Variants in STYK1 observed in about 807,000 individuals in gnomAD.
STYK1 encodes the protein tyrosine-protein kinase STYK1.
Under a neutral mutation model 48.1 loss-of-function variants are expected in STYK1, and 46 were observed. The observed-to-expected ratio is 0.96, with a 90% CI of 0.75 to 1.22. The LOEUF is 1.22. Among genes scored for constraint, STYK1 ranks in the 50% most tolerant of loss-of-function variants. The pLI is 0.00. For missense variants in STYK1, 527 were observed against 521.1 expected (o/e 1.01, Z -0.11); for synonymous variants, 188 against 189.0 (o/e 0.99, Z 0.04).
At chr12:10,658,608 T>C (rs2418089) in intron 1 of STYK1, among the ~76,000 whole-genome samples, 83,328 of 151,934 alleles carry the variant, frequency 0.55, 23,553 homozygotes, top group East Asian at 0.79. Context: ...AAATTATGTC[T>C]TTTTCTGACC....
intron 1 of STYK1, among the ~76,000 whole-genome samples, chr12:10,668,175 C>T (rs952327463): frequency 2.0e-5 from 3 of 152,162 alleles, no homozygotes; most frequent in Non-Finnish European, 2.9e-5. Flanking sequence ...AAACTCTACC[C>T]TCCATTTTTC....
chr12:10,644,747 G>C (rs1047452683), intron 1 of STYK1, among the ~76,000 whole-genome samples: 1 of 152,176 alleles, frequency 6.6e-6, no homozygotes, highest in African/African-American at 2.4e-5. Context: ...AATCAAAGAA[G>C]AGGAGATGAT....
intron 5 of STYK1, among the ~76,000 whole-genome samples, chr12:10,630,736 T>C (rs552161319): frequency 6.6e-6 from 1 of 151,830 alleles, no homozygotes; most frequent in East Asian, 1.9e-4. Flanking sequence ...ACAGAAGGAA[T>C]GTACCTCAAC....
chr12:10,657,205 C>T (rs1296802104), intron 1 of STYK1, among the ~76,000 whole-genome samples: 1 of 152,162 alleles, frequency 6.6e-6, no homozygotes, highest in Non-Finnish European at 1.5e-5. Flanking sequence ...TCCAGCTGTG[C>T]CTGCCTATTA....
chr12:10,666,649 G>A (rs1947836470), intron 1 of STYK1, among the ~76,000 whole-genome samples: 1 of 152,172 alleles, frequency 6.6e-6, no homozygotes, highest in African/African-American at 2.4e-5. Context: ...CGGGTGGGAG[G>A]TGATTGGATC....
At chr12:10,634,929 C>G (rs1463336670) in intron 2 of STYK1, among the ~76,000 whole-genome samples, 1 of 152,040 alleles carries the variant, frequency 6.6e-6, no homozygotes, top group Non-Finnish European at 1.5e-5. Flanking sequence ...TGCTCTTGTC[C>G]TTTCATTCAA....
At chr12:10,658,280 A>C (rs1947739969) in intron 1 of STYK1, among the ~76,000 whole-genome samples, 2 of 152,208 alleles carry the variant, frequency 1.3e-5, no homozygotes, top group South Asian at 4.1e-4. Context: ...ATAATGTTTT[A>C]TTAAGAATTG....
chr12:10,671,855 A>G (rs1947894697), intron 1 of STYK1, among the ~76,000 whole-genome samples: 2 of 152,224 alleles, frequency 1.3e-5, no homozygotes, highest in Admixed American at 6.5e-5. Context: ...ACTGAAATAC[A>G]TGCAATGCTC....
chr12:10,669,577 T>C (rs1422193453), intron 1 of STYK1, among the ~76,000 whole-genome samples: 2 of 152,074 alleles, frequency 1.3e-5, no homozygotes, highest in South Asian at 2.1e-4. Flanking sequence ...CTAGGCAATG[T>C]TTTTTTGGAC....
chr12:10,660,060 C>T (rs932471394), intron 1 of STYK1, among the ~76,000 whole-genome samples: 1 of 152,174 alleles, frequency 6.6e-6, no homozygotes, highest in Non-Finnish European at 1.5e-5. Context: ...TGGGCAAGTA[C>T]TGGAATCAGT....
intron 1 of STYK1, among the ~76,000 whole-genome samples, chr12:10,663,979 C>A (rs890270472): frequency 6.6e-6 from 1 of 152,122 alleles, no homozygotes; most frequent in African/African-American, 2.4e-5. Context: ...AAAGGTTAAA[C>A]CAGAATTTGT....
chr12:10,646,318 A>G (rs1018598294), intron 1 of STYK1, among the ~76,000 whole-genome samples: 1 of 152,238 alleles, frequency 6.6e-6, no homozygotes, highest in South Asian at 2.1e-4. Context: ...AAGTGGTCTC[A>G]GATGGAGATG....
At chr12:10,655,314 C>A (rs999324539) in intron 1 of STYK1, among the ~76,000 whole-genome samples, 12 of 152,114 alleles carry the variant, frequency 7.9e-5, no homozygotes, top group Non-Finnish European at 1.8e-4. Flanking sequence ...TAGTTTCTGC[C>A]ATCCAGAGGA....
intron 1 of STYK1, among the ~76,000 whole-genome samples, chr12:10,656,297 C>T (rs1172359226): frequency 2.0e-5 from 3 of 151,560 alleles, no homozygotes; most frequent in Admixed American, 2.0e-4. Context: ...GTAAATTGTC[C>T]AGTCTCAGGT....
At position 10,655,554 on chromosome 12, in the gene STYK1, T is replaced by A. The variant is rs185984701; in HGVS notation, c.-194-18358A>T. On this transcript the variant is annotated intron_variant, in intron 1 of 10. Coordinates refer to ENST00000075503, the MANE Select transcript of STYK1 (RefSeq NM_018423.3). Reference sequence around the variant, plus strand: ...TACTTTCAGGTTGATATTGGTGTGATCTTTGCCATTTGTTGATTTTATCCC... The same window carrying A: ...TACTTTCAGGTTGATATTGGTGTGAACTTTGCCATTTGTTGATTTTATCCC... 3.2e-3 allele frequency among the ~76,000 whole-genome samples: 482 copies of A among 152,344 alleles called. 1 individual carries two copies. Among genetic ancestry groups the A allele is most frequent in the African/African-American group, 0.011 (459 of 41,568 alleles).
chr12:10,642,604 C>G (rs952518441), intron 1 of STYK1, among the ~76,000 whole-genome samples: 1 of 152,062 alleles, frequency 6.6e-6, no homozygotes, highest in African/African-American at 2.4e-5. Context: ...AACAAAAAAT[C>G]TTTTATCTAA....
intron 1 of STYK1, among the ~76,000 whole-genome samples, chr12:10,657,849 A>G (rs746101255): frequency 2.6e-5 from 4 of 152,254 alleles, no homozygotes; most frequent in Non-Finnish European, 4.4e-5. Flanking sequence ...GTAACATATA[A>G]TTGAGACTAC....
chr12:10,620,872 C>G (rs1299417298), intron 10 of STYK1, among the ~76,000 whole-genome samples: 1 of 152,128 alleles, frequency 6.6e-6, no homozygotes, highest in Admixed American at 6.5e-5. Flanking sequence ...GGTTGTGGTA[C>G]CAGGTCAGGT....
chr12:10,631,589 C>T (rs1021371929), intron 4 of STYK1, among the ~76,000 whole-genome samples: 5 of 152,156 alleles, frequency 3.3e-5, no homozygotes, highest in Admixed American at 2.0e-4. Context: ...TTGAGTACTT[C>T]CCATGAGTGT....
Sources: gnomAD v4.1 joint callset for allele counts (sites outside exome capture counted in the v4.1 genomes callset) on GRCh38, gnomAD v4.1.1 for gene constraint, MANE v1.5 for transcripts, NCBI Gene and HGNC (gene_info 2026-07-23, HGNC 2026-07-21) for gene names.